COL24A1: variants seen among roughly 807,000 people sequenced by gnomAD.
COL24A1 encodes the protein collagen alpha-1(XXIV) chain.
A neutral mutation model predicts 253.9 loss-of-function variants in COL24A1; 224 were observed. The observed-to-expected ratio is 0.88, with a 90% CI of 0.79 to 0.99. COL24A1 has a LOEUF of 0.99. COL24A1 is among the 50% of genes least tolerant of loss of function. COL24A1 has a pLI of 0.00. For synonymous variants in COL24A1, 685 were observed against 673.7 expected (o/e 1.02, Z -0.26); for missense variants, 2,131 against 2,068.5 (o/e 1.03, Z -0.59).
intron 28 of COL24A1, among the ~76,000 whole-genome samples, chr1:85,905,105 T>C (rs1684679302): frequency 6.6e-6 from 1 of 152,146 alleles, no homozygotes; most frequent in African/African-American, 2.4e-5. Context: ...GTGTGGTCTC[T>C]GTGCAAATGT....
intron 37 of COL24A1, among the ~76,000 whole-genome samples, chr1:85,855,561 C>G (rs1263759502): frequency 6.6e-6 from 1 of 152,108 alleles, no homozygotes; most frequent in Non-Finnish European, 1.5e-5. Flanking sequence ...GGAATAAAGC[C>G]TACTTGATCA....
intron 2 of COL24A1, among the ~76,000 whole-genome samples, chr1:86,145,422 C>T (rs907361344): frequency 2.0e-5 from 3 of 152,016 alleles, no homozygotes; most frequent in Admixed American, 6.6e-5. Flanking sequence ...GGATTTGTCT[C>T]TTTGACTTTG....
intron 1 of COL24A1, among the ~76,000 whole-genome samples, chr1:86,148,561 C>A (rs1652258587): frequency 7.0e-6 from 1 of 142,362 alleles, no homozygotes; most frequent in African/African-American, 2.6e-5. Context: ...CATGTGTTTT[C>A]ATTGTTCAAT....
chr1:86,101,690 T>C (rs1178372682), intron 5 of COL24A1, among the ~76,000 whole-genome samples: 1 of 152,226 alleles, frequency 6.6e-6, no homozygotes, highest in Admixed American at 6.5e-5. Flanking sequence ...GAATCACATA[T>C]TGATTTGCAT....
intron 20 of COL24A1, among the ~76,000 whole-genome samples, chr1:85,974,614 A>C (rs550864372): frequency 6.6e-6 from 1 of 152,292 alleles, no homozygotes; most frequent in African/African-American, 2.4e-5. Context: ...CTAAATGCAG[A>C]GAGGGAGGAG....
intron 1 of COL24A1, among the ~76,000 whole-genome samples, chr1:86,151,219 GTTAA>G (rs936639241): frequency 1.3e-5 from 2 of 152,038 alleles, no homozygotes; most frequent in African/African-American, 4.8e-5. Context: ...CTACTAAGTT[GTTAA>G]TTCATTCATA....
At chr1:85,787,193 G>C (rs547432360) in intron 47 of COL24A1, among the ~76,000 whole-genome samples, 1 of 150,750 alleles carries the variant, frequency 6.6e-6, no homozygotes, top group East Asian at 2.0e-4. Context: ...AGTTATGGCA[G>C]AGTTTTTTTT....
chr1:85,934,926 C>T lies in COL24A1; in HGVS notation c.2563-23493G>A, dbSNP rs58159337. On this transcript the variant is annotated intron_variant, in intron 24 of 59. Coordinates refer to ENST00000370571, the MANE Select transcript of COL24A1 (RefSeq NM_152890.7). ...AATTTACATTAAAAATATTTCAAAA[C>T]ACTGATTCCACATCTAACACACAAT... Among the ~76,000 whole-genome samples, 491 of 151,900 alleles carry T rather than the reference C, an allele frequency of 3.2e-3. 6 individuals are homozygous for T. Among genetic ancestry groups the T allele is most frequent in the African/African-American group, 0.012 (478 of 41,442 alleles).
chr1:85,965,335 T>A (rs187750694), intron 22 of COL24A1, among the ~76,000 whole-genome samples: 1 of 152,070 alleles, frequency 6.6e-6, no homozygotes, highest in East Asian at 1.9e-4. Context: ...AGAATAACAA[T>A]GTTTTAAAAA....
At chr1:85,802,867 T>A (rs1047737589) in intron 47 of COL24A1, among the ~76,000 whole-genome samples, 2 of 152,224 alleles carry the variant, frequency 1.3e-5, no homozygotes, top group Admixed American at 6.5e-5. Flanking sequence ...TTTTCCCCAC[T>A]TTGAGATTCA....
At chr1:85,980,904 G>A (rs1050737615) in intron 20 of COL24A1, among the ~76,000 whole-genome samples, 2 of 151,856 alleles carry the variant, frequency 1.3e-5, no homozygotes, top group Admixed American at 1.3e-4. Context: ...GTGAGATTCC[G>A]AGACTCCGTC....
chr1:86,094,977 A>G (rs1038300860), intron 5 of COL24A1, among the ~76,000 whole-genome samples: 1 of 151,970 alleles, frequency 6.6e-6, no homozygotes, highest in African/African-American at 2.4e-5. Context: ...CCTATTACAA[A>G]TCTTATCTAT....
chr1:85,989,492 T>C (rs1694033721), intron 19 of COL24A1, among the ~76,000 whole-genome samples: 1 of 151,834 alleles, frequency 6.6e-6, no homozygotes, highest in Non-Finnish European at 1.5e-5. Context: ...CAAGTCACTT[T>C]CTCTATTTTC....
At chr1:85,978,168 C>A (rs1283314424) in intron 20 of COL24A1, among the ~76,000 whole-genome samples, 1 of 152,086 alleles carries the variant, frequency 6.6e-6, no homozygotes, top group Non-Finnish European at 1.5e-5. Context: ...CGTTTTCAGA[C>A]AAACGTGTGA....
At chr1:85,808,778 T>C (rs1672237598) in intron 47 of COL24A1, among the ~76,000 whole-genome samples, 1 of 152,230 alleles carries the variant, frequency 6.6e-6, no homozygotes. Flanking sequence ...ATAAATTCAC[T>C]GAGACTGCAG....
rs2100844255 is a variant in COL24A1 at position 85,737,593 on chromosome 1, C to T, written c.4673-88G>A. 5 of 909,888 alleles carry T rather than the reference C, an allele frequency of 5.5e-6. No individual in the cohort carries two copies. In the Admixed American group the frequency reaches 8.4e-5, roughly 15 times the overall value. 56.4% of individuals were successfully genotyped at this position (909,888 alleles called of 1,614,324 possible). Reference sequence around the variant, plus strand: ...TTTTTTTTTTTGAGAGAGAGAGTCTCATTCTGTTAGCCCAGGCTGGAGTGC... The same window carrying T: ...TTTTTTTTTTTGAGAGAGAGAGTCTTATTCTGTTAGCCCAGGCTGGAGTGC... On this transcript the variant is annotated intron_variant, in intron 57 of 59. Coordinates refer to ENST00000370571, the MANE Select transcript of COL24A1 (RefSeq NM_152890.7).
intron 24 of COL24A1, among the ~76,000 whole-genome samples, chr1:85,923,484 T>C (rs954050686): frequency 1.3e-5 from 2 of 152,152 alleles, no homozygotes; most frequent in Admixed American, 6.5e-5. Context: ...CAGACCACAG[T>C]GCAATCAAAT....
chr1:86,042,514 C>T (rs1699580527), intron 12 of COL24A1, among the ~76,000 whole-genome samples: 1 of 151,984 alleles, frequency 6.6e-6, no homozygotes, highest in African/African-American at 2.4e-5. Context: ...CATTATGAGG[C>T]TAAATAATAA....
chr1:85,770,873 C>T (rs905782438), intron 53 of COL24A1, among the ~76,000 whole-genome samples: 2 of 152,118 alleles, frequency 1.3e-5, no homozygotes, highest in African/African-American at 4.8e-5. Flanking sequence ...AATGATTTGC[C>T]TCTGCATTGC....
Sources: allele counts gnomAD v4.1 joint callset (sites outside exome capture counted in the v4.1 genomes callset), GRCh38; gene constraint gnomAD v4.1.1; transcripts MANE v1.5; gene names NCBI Gene and HGNC (gene_info 2026-07-23, HGNC 2026-07-21).